MAX: variants seen among roughly 807,000 people sequenced by gnomAD.
MAX encodes the protein MYC associated transcriptional regulator X, also known as protein max.
MAX carries 3 observed loss-of-function variants against 22.3 expected under a neutral mutation model. That is an observed-to-expected ratio of 0.13 (90% confidence interval 0.06 to 0.35). MAX has a LOEUF of 0.35. Among genes scored for constraint, MAX ranks in the 10% least tolerant of loss-of-function variants. The pLI, the probability that MAX is intolerant of heterozygous loss-of-function variation, is 1.00. For synonymous variants in MAX, 72 were observed against 77.7 expected (o/e 0.93, Z 0.39); for missense variants, 119 against 209.4 (o/e 0.57, Z 2.66).
At chr14:65,070,983 T>TC (rs2062982352), downstream of MAX, among the ~76,000 whole-genome samples, 1 of 152,206 alleles carries the variant, frequency 6.6e-6, no homozygotes, top group South Asian at 2.1e-4. The surrounding 1 kb of genome is among the most constrained non-coding windows in gnomAD (Gnocchi z 4.4). Context: ...TCCTTTTTTT[T>TC]CTCCAAAAGG....
chr14:65,061,671 C>T lies in MAX; in HGVS notation c.171+32037G>A, dbSNP rs146684676. ...GGCATCCAGAGCCACTGCTGACTCC[C>T]ACTTGCACGCCACCATTCAGTCACC... On this transcript the variant is annotated intron_variant, in intron 3 of 3. Coordinates refer to the MAX transcript ENST00000341653. 1,109 of 203,966 alleles carry T rather than the reference C, an allele frequency of 5.4e-3. 13 individuals carry two copies. Among genetic ancestry groups the T allele is most frequent in the Middle Eastern group, 0.027 (12 of 452 alleles). The allele number at this position is 203,966 out of a possible 1,614,324, so 12.6% of individuals were successfully genotyped here. A position where few individuals can be genotyped will look rare whatever the true frequency, so the allele number is the denominator to read the frequency against.
In MAX at chr14:65,037,402, CCTTTTTTTTTTTTTTTTTTTTTTT is replaced by C. The variant is rs1336579724; in HGVS notation, c.172-31142_172-31119del. Among the ~76,000 whole-genome samples, 53 of 14,534 alleles carry C rather than the reference CCTTTTTTTTTTTTTTTTTTTTTTT, an allele frequency of 3.6e-3. 1 individual carries two copies. The highest frequency in any genetic ancestry group is 3.7e-3 in the Non-Finnish European group (27 of 7,200). The allele number at this position is 14,534 out of a possible 152,430, so 9.5% of individuals were successfully genotyped here. A position where few individuals can be genotyped will look rare whatever the true frequency, so the allele number is the denominator to read the frequency against. On this transcript the variant is annotated intron_variant, in intron 3 of 3. Transcript: ENST00000341653. ...ATAGGCGTGAGCCACCACGCCGGGC[CCTTTTTTTTTTTTTTTTTTTTTTT>C]TTTTTTTTTTTTTTTTTTTTGAGAC...
At chr14:65,048,516 A>C (rs763071568) in intron 3 of MAX, among the ~76,000 whole-genome samples, 1 of 152,172 alleles carries the variant, frequency 6.6e-6, no homozygotes, top group African/African-American at 2.4e-5. Flanking sequence ...ACTACCTTCT[A>C]TGTGTAAATG....
chr14:65,063,313 G>A (rs2062897138), intron 3 of MAX, among the ~76,000 whole-genome samples: 1 of 152,198 alleles, frequency 6.6e-6, no homozygotes, highest in African/African-American at 2.4e-5. Flanking sequence ...AATCCTCTCA[G>A]CACTCGGAGC....
Position 65,044,249 on chromosome 14 carries a change from C to T in MAX, c.172-37965G>A. On this transcript the variant is annotated intron_variant, in intron 3 of 3. Transcript: ENST00000341653. This position sits in a 1 kb window ranked among gnomAD's most constrained non-coding sequence, Gnocchi z 5.5. The stretch of plus-strand genomic sequence containing the variant: ...TCCCACAGATTGACTCCTGGAGATT[C>T]TGTCGGGCTGGATTTTGTCTCTTTT... 1 of 1,607,174 alleles carries T rather than the reference C, an allele frequency of 6.2e-7. No individual in the cohort carries two copies. The highest frequency in any genetic ancestry group is 8.5e-7 in the Non-Finnish European group (1 of 1,177,346).
intron 3 of MAX, among the ~76,000 whole-genome samples, chr14:65,066,198 A>G (rs10149182): frequency 0.18 from 27,150 of 152,174 alleles, 3,755 homozygotes; most frequent in African/African-American, 0.39. Context: ...TCCACTTGCC[A>G]CCAAGTGTGT....
intron 3 of MAX, among the ~76,000 whole-genome samples, chr14:65,050,279 T>A (rs1167778186): frequency 1.3e-5 from 2 of 152,212 alleles, no homozygotes; most frequent in African/African-American, 4.8e-5. Context: ...TTTACCATTT[T>A]AATTGCTGAT....
intron 3 of MAX, among the ~76,000 whole-genome samples, chr14:65,017,160 T>TG (rs1354881353): frequency 6.6e-6 from 1 of 152,100 alleles, no homozygotes; most frequent in Non-Finnish European, 1.5e-5. Context: ...TGACCTCAGC[T>TG]GATCTACCTG....
chr14:65,077,415 G>GCT lies in MAX; in HGVS notation c.295+496_295+497dup. ...TCCCCAGGAACAAAGAACTTGATCA[G>GCT]CTCTCGCTTTCCCCTGTGGTTGTAG... On this transcript the variant is annotated intron_variant, in intron 4 of 4. Coordinates refer to ENST00000358664, the MANE Select transcript of MAX (RefSeq NM_002382.5). The surrounding 1 kb of genome is among the most constrained non-coding windows in gnomAD (Gnocchi z 6.3). 6.2e-7 allele frequency: 1 copy of GCT among 1,612,056 alleles called. No homozygotes were observed. The highest frequency in any genetic ancestry group is 8.5e-7 in the Non-Finnish European group (1 of 1,178,076).
chr14:65,044,596 A>T lies in MAX; in HGVS notation c.172-38312T>A. On this transcript the variant is annotated intron_variant, in intron 3 of 3. Transcript: ENST00000341653. The surrounding 1 kb of genome is among the most constrained non-coding windows in gnomAD (Gnocchi z 5.5). Reference sequence around the variant, plus strand: ...AGTGTGGAACCTCATGCCGTGGGGCATGCGAATGCAGAGTAAGATTTAGTT... The same window carrying T: ...AGTGTGGAACCTCATGCCGTGGGGCTTGCGAATGCAGAGTAAGATTTAGTT... 9.0e-7 allele frequency: 1 copy of T among 1,115,980 alleles called. No individual in the cohort carries two copies. The highest frequency in any genetic ancestry group is 1.2e-6 in the Non-Finnish European group (1 of 821,244). 69.1% of individuals were successfully genotyped at this position (1,115,980 alleles called of 1,614,324 possible). A position where few individuals can be genotyped will look rare whatever the true frequency, so the allele number is the denominator to read the frequency against.
At chr14:65,101,723 C>T in intron 1 of MAX, 151 bp from the exon 2 acceptor site, 1 of 660,878 alleles carries the variant, frequency 1.5e-6, no homozygotes, top group South Asian at 1.8e-5. Context: ...CCCTTGCCCC[C>T]ACCCTTCCAC....
chr14:65,043,197 T>C (rs974370037), intron 3 of MAX, among the ~76,000 whole-genome samples: 2 of 152,194 alleles, frequency 1.3e-5, no homozygotes, highest in African/African-American at 4.8e-5. Flanking sequence ...GGAAATGTCA[T>C]ATCTGCTCAG....
chr14:65,037,048 T>A (rs1433210803), intron 3 of MAX, among the ~76,000 whole-genome samples: 2 of 152,138 alleles, frequency 1.3e-5, no homozygotes, highest in African/African-American at 4.8e-5. Context: ...GTACCAAGAT[T>A]CTTTATTACA....
intron 3 of MAX, among the ~76,000 whole-genome samples, chr14:65,035,834 T>C (rs2062177088): frequency 6.8e-6 from 1 of 146,200 alleles, no homozygotes; most frequent in Non-Finnish European, 1.5e-5. Flanking sequence ...GCGCCCAGCT[T>C]TTTTTTTTTT....
chr14:65,101,717 TG>T, intron 1 of MAX, 145 bp from the exon 2 acceptor site: 1 of 651,900 alleles, frequency 1.5e-6, no homozygotes, highest in Admixed American at 2.6e-5. Flanking sequence ...CCCCACCCCT[TG>T]CCCCCACCCT....
chr14:65,073,114 T>C (rs887447461), downstream of MAX, among the ~76,000 whole-genome samples: 6 of 152,192 alleles, frequency 3.9e-5, no homozygotes. Flanking sequence ...CATTATCTCA[T>C]TTAAGCCTCA....
Position 65,030,997 on chromosome 14 carries a change from G to A in MAX, c.172-24713C>T, listed in dbSNP as rs181104486. Among the ~76,000 whole-genome samples, 24 of 151,906 alleles carry A rather than the reference G, an allele frequency of 1.6e-4. No individual in the cohort carries two copies. Among genetic ancestry groups the A allele is most frequent in the African/African-American group, 5.3e-4 (22 of 41,442 alleles). ...TAATTTTTGTATTTTTAGTAGAGAC[G>A]AGGTCTCACCATGTTGGCCAGGCTA... On this transcript the variant is annotated intron_variant, in intron 3 of 3. Coordinates refer to the MAX transcript ENST00000341653. The surrounding 1 kb of genome is among the most constrained non-coding windows in gnomAD (Gnocchi z 4.5).
Position 65,012,162 on chromosome 14 carries a change from C to A in MAX, c.172-5878G>T. 1.2e-6 allele frequency: 1 copy of A among 825,572 alleles called. No homozygotes were observed. Among genetic ancestry groups the A allele is most frequent in the Non-Finnish European group, 1.9e-6 (1 of 527,492 alleles). 51.1% of individuals were successfully genotyped at this position (825,572 alleles called of 1,614,324 possible). On this transcript the variant is annotated intron_variant, in intron 3 of 3. Transcript: ENST00000341653. The surrounding 1 kb of genome is among the most constrained non-coding windows in gnomAD (Gnocchi z 5.0). ...GCTTCTTTTCTCTGGTTTAGTTGCT[C>A]TTTGGAACCAGAGAAGTTGCTGGTT...
intron 3 of MAX, among the ~76,000 whole-genome samples, chr14:65,086,356 T>A (rs1017617903): frequency 3.9e-5 from 6 of 152,266 alleles, no homozygotes; most frequent in Non-Finnish European, 7.3e-5. Flanking sequence ...TTGGAACAAT[T>A]TGAAGGGCTC....
Sources: gnomAD v4.1 joint callset for allele counts (sites outside exome capture counted in the v4.1 genomes callset) on GRCh38, gnomAD v4.1.1 for gene constraint, Gnocchi (gnomAD v3.1) non-coding constraint, MANE v1.5 for transcripts, NCBI Gene and HGNC (gene_info 2026-07-23, HGNC 2026-07-21) for gene names.